RORA: variants seen among roughly 807,000 people sequenced by gnomAD.
RORA encodes the protein nuclear receptor ROR-alpha.
Under a neutral mutation model 69.5 loss-of-function variants are expected in RORA, and 7 were observed. That is an observed-to-expected ratio of 0.10 (90% CI 0.06 to 0.19). RORA has a LOEUF of 0.19. RORA is among the 10% of genes least tolerant of loss of function. The probability of loss-of-function intolerance (pLI) is 1.00; values close to 1 mark genes in which losing one functional copy is unlikely to be tolerated. For missense variants in RORA, 457 were observed against 663.0 expected (o/e 0.69, Z 3.41); for synonymous variants, 261 against 240.8 (o/e 1.08, Z -0.78).
intron 1 of RORA, among the ~76,000 whole-genome samples, chr15:60,798,359 A>C (rs1037769905): frequency 1.3e-5 from 2 of 152,094 alleles, no homozygotes; most frequent in Non-Finnish European, 2.9e-5. Flanking sequence ...AAGCATTCAA[A>C]AATGAGTTTA....
intron 1 of RORA, among the ~76,000 whole-genome samples, chr15:60,800,776 C>T (rs535785624): frequency 2.0e-5 from 3 of 152,350 alleles, no homozygotes; most frequent in Admixed American, 6.5e-5. Flanking sequence ...ATGCCGCCCC[C>T]ACCTCTTTGG....
chr15:60,619,228 G>A (rs2003513321), intron 2 of RORA, among the ~76,000 whole-genome samples: 1 of 152,196 alleles, frequency 6.6e-6, no homozygotes, highest in Non-Finnish European at 1.5e-5. Flanking sequence ...TCGTGGTAAC[G>A]AAATGACTAC....
chr15:60,882,446 C>T (rs1212167832), intron 1 of RORA, among the ~76,000 whole-genome samples: 2 of 152,070 alleles, frequency 1.3e-5, no homozygotes, highest in Non-Finnish European at 1.5e-5. Context: ...GAAACTCTGG[C>T]CTAAGTGGAA....
chr15:60,729,189 C>A (rs1490196584), intron 1 of RORA, among the ~76,000 whole-genome samples: 2 of 152,126 alleles, frequency 1.3e-5, no homozygotes, highest in Non-Finnish European at 2.9e-5. Context: ...CCCCACCCCA[C>A]CCCATATTCT....
intron 1 of RORA, among the ~76,000 whole-genome samples, chr15:61,198,238 G>C (rs970580130): frequency 1.3e-5 from 2 of 152,162 alleles, no homozygotes; most frequent in East Asian, 3.8e-4. Context: ...CAGCAGTCTA[G>C]GTATAAGCAG....
intron 1 of RORA, among the ~76,000 whole-genome samples, chr15:61,094,191 G>A (rs1305899449): frequency 1.3e-5 from 2 of 152,134 alleles, no homozygotes; most frequent in East Asian, 1.9e-4. Context: ...TTATGTGAGT[G>A]AACAAAAATA....
chr15:60,958,260 T>A (rs1893324241), intron 1 of RORA, among the ~76,000 whole-genome samples: 1 of 152,218 alleles, frequency 6.6e-6, no homozygotes, highest in African/African-American at 2.4e-5. Context: ...TCAAATTACC[T>A]GAGCCTTTGC....
chr15:60,500,583 A>T (rs1342514877), intron 9 of RORA, among the ~76,000 whole-genome samples: 1 of 151,930 alleles, frequency 6.6e-6, no homozygotes, highest in Non-Finnish European at 1.5e-5. Context: ...ATGACATCTA[A>T]ATGGATTTTA....
chr15:60,940,495 G>C (rs1390101105), intron 1 of RORA, among the ~76,000 whole-genome samples: 1 of 152,182 alleles, frequency 6.6e-6, no homozygotes, highest in Admixed American at 6.5e-5. Context: ...CCAGAGGCCA[G>C]GTTGCAGGGG....
intron 1 of RORA, among the ~76,000 whole-genome samples, chr15:61,181,761 A>T (rs1012674849): frequency 6.6e-6 from 1 of 152,032 alleles, no homozygotes; most frequent in African/African-American, 2.4e-5. Context: ...GGTAAGAATT[A>T]AGATGTTGCC....
At chr15:60,775,283 T>C (rs1046592802) in intron 1 of RORA, among the ~76,000 whole-genome samples, 4 of 152,106 alleles carry the variant, frequency 2.6e-5, no homozygotes, top group Admixed American at 6.5e-5. Flanking sequence ...TTTAACTTGA[T>C]GGGACTGACT....
rs1427036527 is a variant in RORA at position 60,505,645 on chromosome 15, G to T, written c.821-16C>A. Reference sequence around the variant, plus strand: ...GCAAGGTGTTCTAAGGAGAAAACGGGAGATCACAAACACGAAAAGCGAAGT... The same window carrying T: ...GCAAGGTGTTCTAAGGAGAAAACGGTAGATCACAAACACGAAAAGCGAAGT... On this transcript the variant is annotated splice_polypyrimidine_tract_variant and intron_variant, in intron 5 of 10. Transcript: ENST00000335670. 2 of 1,610,974 alleles carry T rather than the reference G, an allele frequency of 1.2e-6. No homozygotes were observed. The highest frequency in any genetic ancestry group is 1.3e-5 in the African/African-American group (1 of 74,956).
intron 1 of RORA, among the ~76,000 whole-genome samples, chr15:60,898,030 C>T (rs1478336284): frequency 2.0e-5 from 3 of 152,164 alleles, no homozygotes; most frequent in African/African-American, 7.2e-5. Context: ...AGTCAAAAAA[C>T]TGTAAGATTA....
chr15:60,755,026 C>A (rs919881338), intron 1 of RORA, among the ~76,000 whole-genome samples: 1 of 150,052 alleles, frequency 6.7e-6, no homozygotes, highest in African/African-American at 2.5e-5. Flanking sequence ...GGCACATGTG[C>A]ACAGTGTGCA....
intron 1 of RORA, among the ~76,000 whole-genome samples, chr15:60,849,813 G>A (rs2073304983): frequency 6.6e-6 from 1 of 152,154 alleles, no homozygotes; most frequent in Non-Finnish European, 1.5e-5. Flanking sequence ...TTTCAGTTGG[G>A]CCCATCAGGG....
At chr15:61,019,952 C>T (rs561243246) in intron 1 of RORA, among the ~76,000 whole-genome samples, 35 of 152,314 alleles carry the variant, frequency 2.3e-4, no homozygotes, top group Non-Finnish European at 4.7e-4. Context: ...CTGACCTCCG[C>T]TCTTCTCTCT....
At chr15:61,034,198 G>A (rs1177090568) in intron 1 of RORA, among the ~76,000 whole-genome samples, 2 of 152,280 alleles carry the variant, frequency 1.3e-5, no homozygotes, top group East Asian at 3.9e-4. Context: ...GAAGAAATGT[G>A]TTGAAATTGC....
At position 60,905,041 on chromosome 15, in the gene RORA, C is replaced by T. The variant is rs138562258; in HGVS notation, c.167-226355G>A. On this transcript the variant is annotated intron_variant, in intron 1 of 10. Transcript: ENST00000335670. The surrounding 1 kb of genome is among the most constrained non-coding windows in gnomAD (Gnocchi z 4.8). ...TGAAGGACTGCATTACCTGAACAAA[C>T]GGGTGAGGGCTTGAGGCTCTGGGGG... is the stretch of plus-strand genomic sequence containing the variant. 1.3e-4 allele frequency among the ~76,000 whole-genome samples: 20 copies of T among 152,238 alleles called. No homozygotes were observed. Among genetic ancestry groups the T allele is most frequent in the African/African-American group, 3.6e-4 (15 of 41,570 alleles).
intron 1 of RORA, among the ~76,000 whole-genome samples, chr15:60,835,755 T>A (rs78995580): frequency 6.6e-6 from 1 of 152,342 alleles, no homozygotes; most frequent in East Asian, 1.9e-4. Context: ...AGCTATTGAA[T>A]CGTTACGATC....
Sources: gnomAD v4.1 joint callset for allele counts (sites outside exome capture counted in the v4.1 genomes callset) on GRCh38, gnomAD v4.1.1 for gene constraint, Gnocchi (gnomAD v3.1) non-coding constraint, MANE v1.5 for transcripts, NCBI Gene and HGNC (gene_info 2026-07-23, HGNC 2026-07-21) for gene names.